Variants in INVS observed in about 807,000 individuals in gnomAD.
INVS encodes the protein inversin.
Under a neutral mutation model 108.8 loss-of-function variants are expected in INVS, and 86 were observed. The observed-to-expected ratio is 0.79, with a 90% confidence interval of 0.66 to 0.95. The LOEUF is 0.95. Among genes scored for constraint, INVS ranks in the 40% least tolerant of loss-of-function variants. INVS has a pLI of 0.00. For synonymous variants in INVS, 455 were observed against 473.5 expected (o/e 0.96, Z 0.51); for missense variants, 1,169 against 1,297.4 (o/e 0.90, Z 1.52).
At chr9:100,158,728 G>A (rs1459318139) in intron 3 of INVS, among the ~76,000 whole-genome samples, 1 of 152,218 alleles carries the variant, frequency 6.6e-6, no homozygotes, top group Non-Finnish European at 1.5e-5. Context: ...TTATGCTATA[G>A]TTTGAATATT....
chr9:100,268,198 C>T (rs1832850121), intron 11 of INVS, among the ~76,000 whole-genome samples: 1 of 151,922 alleles, frequency 6.6e-6, no homozygotes, highest in Non-Finnish European at 1.5e-5. Context: ...AACGTATCCA[C>T]CCTAAGTACA....
At chr9:100,113,360 A>C (rs758853450) in intron 2 of INVS, among the ~76,000 whole-genome samples, 1 of 152,238 alleles carries the variant, frequency 6.6e-6, no homozygotes, top group African/African-American at 2.4e-5. Context: ...CACAACCTGA[A>C]TACATCTGTA....
chr9:100,120,013 T>G (rs1279194159), intron 2 of INVS, among the ~76,000 whole-genome samples: 1 of 152,218 alleles, frequency 6.6e-6, no homozygotes, highest in Non-Finnish European at 1.5e-5. Context: ...TTAGTTATGC[T>G]CTAATCAAAC....
intron 10 of INVS, among the ~76,000 whole-genome samples, chr9:100,258,492 T>G (rs1427072340): frequency 6.6e-6 from 1 of 152,164 alleles, no homozygotes; most frequent in East Asian, 1.9e-4. Flanking sequence ...GGCACTCTGA[T>G]TTTTAGAATT....
At chr9:100,122,283 T>C (rs965927978) in intron 2 of INVS, among the ~76,000 whole-genome samples, 3 of 152,188 alleles carry the variant, frequency 2.0e-5, no homozygotes, top group Admixed American at 1.3e-4. Flanking sequence ...AAGTTACCAA[T>C]TATAATTGTG....
Position 100,277,363 on chromosome 9 carries a change from T to G in INVS, c.1784+4287T>G, listed in dbSNP as rs543908427. On this transcript the variant is annotated intron_variant, in intron 12 of 16. Transcript: ENST00000262457. Reference sequence around the variant, plus strand: ...CACCAGATTGTTAATGGTTGGCCCATGTGTCTGACTCATCTGCTCACAAAG... The same window carrying G: ...CACCAGATTGTTAATGGTTGGCCCAGGTGTCTGACTCATCTGCTCACAAAG... Among the ~76,000 whole-genome samples, 3 of 152,374 alleles carry G rather than the reference T, an allele frequency of 2.0e-5. No individual in the cohort carries two copies. The South Asian group carries it at 6.2e-4, about 32-fold the overall frequency.
In INVS at chr9:100,213,417, G is replaced by A. The variant is rs142618949; in HGVS notation, c.274-12645G>A. On this transcript the variant is annotated intron_variant, in intron 3 of 16. Coordinates refer to ENST00000262457, the MANE Select transcript of INVS (RefSeq NM_014425.5). Reference sequence around the variant, plus strand: ...GAAAGGGTCTCACTATGTGGCTCAGGCTGGTTTCTAACTCCTGGGCTCGAG... The same window carrying A: ...GAAAGGGTCTCACTATGTGGCTCAGACTGGTTTCTAACTCCTGGGCTCGAG... Among the ~76,000 whole-genome samples the A allele has an allele frequency of 3.4e-3, 510 of 151,740 alleles. 2 individuals are homozygous for A. Among genetic ancestry groups the A allele is most frequent in the Non-Finnish European group, 5.5e-3 (375 of 67,920 alleles).
At chr9:100,244,774 C>G (rs1459135892) in intron 7 of INVS, among the ~76,000 whole-genome samples, 1 of 152,128 alleles carries the variant, frequency 6.6e-6, no homozygotes, top group African/African-American at 2.4e-5. Context: ...TGTAAACATT[C>G]ATCATTAAGT....
At position 100,292,391 on chromosome 9, in the gene INVS, G is replaced by A; in HGVS notation, c.2134G>A (p.Asp712Asn). ...CVHFRPNEGS[D>N]GSRHPGVPSV... is the part of the protein sequence containing the mutation. ...CCACTTCAGACCCAATGAAGGCAGT[G>A]ATGGAAGCAGGCATCCAGGAGTTCC... The change falls in exon 14 of 17, where the codon GAT (aspartate) becomes AAT (asparagine). Residue 712 changes from aspartate (D) to asparagine (N), a missense_variant. Transcript: ENST00000262457. 1 of 1,614,196 alleles carries A rather than the reference G, an allele frequency of 6.2e-7. No homozygotes were observed.
intron 2 of INVS, among the ~76,000 whole-genome samples, chr9:100,112,389 G>A (rs1428288042): frequency 1.3e-5 from 2 of 152,178 alleles, no homozygotes; most frequent in South Asian, 2.1e-4. Flanking sequence ...ACATATATCG[G>A]TTACAAAGAA....
intron 14 of INVS, among the ~76,000 whole-genome samples, chr9:100,294,896 C>T (rs1364679133): frequency 6.6e-6 from 1 of 152,162 alleles, no homozygotes; most frequent in African/African-American, 2.4e-5. Context: ...GATAACCCTG[C>T]AAGGTAGGTA....
intron 2 of INVS, among the ~76,000 whole-genome samples, chr9:100,112,603 T>C (rs1417489806): frequency 1.3e-5 from 2 of 151,612 alleles, no homozygotes; most frequent in Non-Finnish European, 2.9e-5. Flanking sequence ...TCCTGGGTAT[T>C]GGAAGAAGAA....
At position 100,104,722 on chromosome 9, in the gene INVS, A is replaced by G. The variant is rs1827118175; in HGVS notation, c.106+95A>G. 3.2e-5 allele frequency: 25 copies of G among 790,272 alleles called. No individual in the cohort carries two copies. In the South Asian group the frequency reaches 3.4e-4, roughly 11 times the overall value. The allele number at this position is 790,272 out of a possible 1,614,324, so 49.0% of individuals were successfully genotyped here. A position where few individuals can be genotyped will look rare whatever the true frequency, so the allele number is the denominator to read the frequency against. ...GTTTTAATTTGCAATGTACTCATACATTTTAATGGAAATATGTTATTATTT... is the reference window on the plus strand; with the variant it reads ...GTTTTAATTTGCAATGTACTCATACGTTTTAATGGAAATATGTTATTATTT... On this transcript the variant is annotated intron_variant, in intron 2 of 16. Transcript: ENST00000262457.
intron 10 of INVS, among the ~76,000 whole-genome samples, chr9:100,262,420 AT>A (rs1238294434): frequency 6.6e-6 from 1 of 151,910 alleles, no homozygotes; most frequent in Non-Finnish European, 1.5e-5. Context: ...TTTTCTAATT[AT>A]TTTTCTTTCA....
At chr9:100,150,935 G>T (rs1828789322) in intron 3 of INVS, among the ~76,000 whole-genome samples, 1 of 152,172 alleles carries the variant, frequency 6.6e-6, no homozygotes, top group Non-Finnish European at 1.5e-5. Flanking sequence ...CCAGAGAGGG[G>T]ATGGCTGGGG....
chr9:100,259,054 G>A (rs1208346841), intron 10 of INVS, among the ~76,000 whole-genome samples: 1 of 152,230 alleles, frequency 6.6e-6, no homozygotes, highest in Non-Finnish European at 1.5e-5. Context: ...TTGAGCTGCG[G>A]TGGGCTCCAC....
chr9:100,178,145 A>C (rs1248461216), intron 3 of INVS, among the ~76,000 whole-genome samples: 2 of 152,226 alleles, frequency 1.3e-5, no homozygotes, highest in Admixed American at 1.3e-4. Context: ...AGAAGACCAA[A>C]GGTAGATAAA....
In INVS at chr9:100,298,011, G is replaced by GT. The variant is rs1564195897; in HGVS notation, c.3091+2dup. 2 of 1,614,154 alleles carry GT rather than the reference G, an allele frequency of 1.2e-6. No individual in the cohort carries two copies. The highest frequency in any genetic ancestry group is 1.7e-6 in the Non-Finnish European group (2 of 1,179,978). On this transcript the variant is annotated splice_donor_variant, in intron 16 of 16. Coordinates refer to ENST00000262457, the MANE Select transcript of INVS (RefSeq NM_014425.5). LOFTEE classifies it high-confidence loss of function. The stretch of plus-strand genomic sequence containing the variant: ...TCTTCTGTGCTGCGTCTCAACTCAG[G>GT]TAAGGCAGCCACTGCAAAGCAGATG...
intron 3 of INVS, among the ~76,000 whole-genome samples, chr9:100,219,567 G>A (rs1831083992): frequency 6.6e-6 from 1 of 152,182 alleles, no homozygotes; most frequent in Non-Finnish European, 1.5e-5. Context: ...TGTTAACTTG[G>A]AGTAGCTATT....
Sources: allele counts gnomAD v4.1 joint callset (sites outside exome capture counted in the v4.1 genomes callset), GRCh38; gene constraint gnomAD v4.1.1; transcripts MANE v1.5; gene names NCBI Gene and HGNC (gene_info 2026-07-23, HGNC 2026-07-21).